The following C10orf90 variants were observed in gnomAD, a reference collection of about 807,000 sequenced individuals.
The protein encoded by C10orf90 is chromosome 10 open reading frame 90.
C10orf90 carries 56 observed loss-of-function variants against 62.5 expected under a neutral mutation model. That is an observed-to-expected ratio of 0.90 (90% CI 0.72 to 1.12). C10orf90 has a LOEUF of 1.12. Among genes scored for constraint, C10orf90 ranks in the 50% most tolerant of loss-of-function variants. The probability of loss-of-function intolerance (pLI) is 0.00; values close to 1 mark genes in which losing one functional copy is unlikely to be tolerated. For missense variants in C10orf90, 970 were observed against 880.4 expected (o/e 1.10, Z -1.29); for synonymous variants, 386 against 340.4 (o/e 1.13, Z -1.47).
intron 3 of C10orf90, among the ~76,000 whole-genome samples, chr10:126,506,045 C>T (rs1207196799): frequency 6.6e-6 from 1 of 152,196 alleles, no homozygotes; most frequent in African/African-American, 2.4e-5. Flanking sequence ...GATGATTTCA[C>T]TTATCAGAAT....
Position 126,504,676 on chromosome 10 carries a change from T to C in C10orf90, c.815A>G (p.Gln272Arg). 3.1e-6 allele frequency: 5 copies of C among 1,614,048 alleles called. No homozygotes were observed. Among genetic ancestry groups the C allele is most frequent in the Non-Finnish European group, 4.2e-6 (5 of 1,179,980 alleles). The change falls in exon 4 of 10, where the codon CAG becomes CGG. Residue 272 changes from glutamine to arginine, a missense_variant. Gln to Arg is a conservative substitution (Grantham distance 43). Transcript: ENST00000488181. This position sits in a 1 kb window ranked among gnomAD's most constrained non-coding sequence, Gnocchi z 4.1. The stretch of plus-strand genomic sequence containing the variant: ...GCCATTGGCCAGAGCCGGGGGCGCC[T>C]GGAACAGTGTGTCCTCAGCCCTGCA... ...PKCRAEDTLF[Q>R]APPALANGAH...
chr10:126,592,629 A>G (rs979341611), intron 2 of C10orf90, among the ~76,000 whole-genome samples: 1 of 152,224 alleles, frequency 6.6e-6, no homozygotes, highest in African/African-American at 2.4e-5. Context: ...GGACATAGGC[A>G]AGGGCAAAGA....
At chr10:126,484,499 G>C (rs1384075543) in intron 4 of C10orf90, among the ~76,000 whole-genome samples, 3 of 152,134 alleles carry the variant, frequency 2.0e-5, no homozygotes, top group African/African-American at 7.2e-5. Context: ...TTATTTGTGA[G>C]TTGATATTAG....
intron 2 of C10orf90, among the ~76,000 whole-genome samples, chr10:126,535,629 A>C (rs1230616109): frequency 2.0e-5 from 3 of 152,160 alleles, no homozygotes; most frequent in African/African-American, 7.2e-5. Flanking sequence ...TGTACCCTAG[A>C]ACTTAATGTA....
chr10:126,429,268 C>T (rs1857434646), intron 8 of C10orf90, among the ~76,000 whole-genome samples: 1 of 152,098 alleles, frequency 6.6e-6, no homozygotes, highest in Non-Finnish European at 1.5e-5. Context: ...GATGTGTTGG[C>T]AGCATGGCCG....
intron 2 of C10orf90, among the ~76,000 whole-genome samples, chr10:126,536,451 G>T (rs940067765): frequency 2.6e-4 from 40 of 152,120 alleles, no homozygotes; most frequent in Admixed American, 2.6e-3. Context: ...GATCATCCCA[G>T]GCCTCACGAT....
chr10:126,628,024 G>C (rs540925830), intron 2 of C10orf90, among the ~76,000 whole-genome samples: 3 of 152,190 alleles, frequency 2.0e-5, no homozygotes. Flanking sequence ...TTAAAAAAAA[G>C]TGCATGGAAT....
intron 3 of C10orf90, among the ~76,000 whole-genome samples, chr10:126,510,871 C>T (rs1205705565): frequency 3.9e-5 from 6 of 152,206 alleles, no homozygotes; most frequent in Non-Finnish European, 5.9e-5. Context: ...TCAGAGGAAT[C>T]GGCTCCTAAG....
At chr10:126,461,282 C>T in intron 6 of C10orf90, 119 bp downstream of exon 6, 2 of 1,184,048 alleles carry the variant, frequency 1.7e-6, no homozygotes, top group African/African-American at 1.5e-5. Context: ...CACACAGCTG[C>T]TACAAAGTGA....
At chr10:126,648,387 C>T (rs1846213107) in intron 1 of C10orf90, among the ~76,000 whole-genome samples, 1 of 152,150 alleles carries the variant, frequency 6.6e-6, no homozygotes, top group African/African-American at 2.4e-5. Context: ...GCCCAGCCTC[C>T]AGAATTGTGA....
At chr10:126,559,589 C>T (rs1006829273) in intron 2 of C10orf90, among the ~76,000 whole-genome samples, 15 of 152,220 alleles carry the variant, frequency 9.9e-5, no homozygotes, top group South Asian at 2.1e-4. Flanking sequence ...ACCCTCCCTC[C>T]TCTCCTTTCA....
In C10orf90 at chr10:126,662,659, C is replaced by G. The variant is rs569331866; in HGVS notation, c.240+7582G>C. The stretch of plus-strand genomic sequence containing the variant: ...CCCTATTTGCCTATACTCTCTCTGT[C>G]CCCCCACGCCTGGAAACCTCCCACT... On this transcript the variant is annotated intron_variant, in intron 1 of 9. Transcript: ENST00000488181. Among the ~76,000 whole-genome samples the G allele has an allele frequency of 5.9e-5, 9 of 152,308 alleles. No homozygotes were observed. In the East Asian group the frequency reaches 1.5e-3, roughly 26 times the overall value.
chr10:126,536,201 A>C (rs1268458842), intron 2 of C10orf90, among the ~76,000 whole-genome samples: 1 of 152,038 alleles, frequency 6.6e-6, no homozygotes, highest in East Asian at 1.9e-4. Context: ...CCACACACAC[A>C]CGTGGATATG....
chr10:126,605,801 C>T (rs571241658), intron 2 of C10orf90, among the ~76,000 whole-genome samples: 5 of 152,000 alleles, frequency 3.3e-5, no homozygotes, highest in African/African-American at 1.2e-4. Context: ...AGTGGAGGAA[C>T]AACCAGAGAC....
intron 2 of C10orf90, among the ~76,000 whole-genome samples, chr10:126,643,928 A>C (rs1464215471): frequency 7.9e-5 from 12 of 152,224 alleles, no homozygotes; most frequent in Admixed American, 7.2e-4. Context: ...CCCAGAGGGC[A>C]CAGGTGGCTG....
At chr10:126,465,051 A>G (rs1860206166) in intron 4 of C10orf90, 65 bp from the exon 5 acceptor site, 2 of 1,538,686 alleles carry the variant, frequency 1.3e-6, no homozygotes, top group African/African-American at 1.4e-5. Flanking sequence ...ACTGACTTCT[A>G]CCGCACATGG....
chr10:126,439,298 C>A (rs1858144507), intron 7 of C10orf90, among the ~76,000 whole-genome samples: 1 of 152,142 alleles, frequency 6.6e-6, no homozygotes, highest in Non-Finnish European at 1.5e-5. Flanking sequence ...CTCACACTCA[C>A]CCAAAAAGGA....
chr10:126,446,944 G>A (rs946769312), intron 7 of C10orf90, among the ~76,000 whole-genome samples: 1 of 152,126 alleles, frequency 6.6e-6, no homozygotes, highest in Non-Finnish European at 1.5e-5. Flanking sequence ...GTTGTTATCA[G>A]CTTAAAATAG....
intron 2 of C10orf90, among the ~76,000 whole-genome samples, chr10:126,535,790 A>G (rs552001711): frequency 6.6e-6 from 1 of 152,270 alleles, no homozygotes; most frequent in South Asian, 2.1e-4. Flanking sequence ...TAGAGAGCAC[A>G]GCATGGATAA....
Sources: gnomAD v4.1 joint callset for allele counts (sites outside exome capture counted in the v4.1 genomes callset) on GRCh38, gnomAD v4.1.1 for gene constraint, Gnocchi (gnomAD v3.1) non-coding constraint, MANE v1.5 for transcripts, NCBI Gene and HGNC (gene_info 2026-07-23, HGNC 2026-07-21) for gene names.